The following MGAT4C variants were observed in gnomAD, a reference collection of about 807,000 sequenced individuals.
The protein encoded by MGAT4C is MGAT4 family member C.
A neutral mutation model predicts 40.1 loss-of-function variants in MGAT4C; 19 were observed. The observed-to-expected ratio is 0.47, with a 90% CI of 0.33 to 0.70. The LOEUF is 0.70. Ranked by LOEUF, MGAT4C falls within the 30% of genes least tolerant of loss-of-function variation. The pLI is 0.02. For missense variants in MGAT4C, 491 were observed against 563.2 expected (o/e 0.87, Z 1.30); for synonymous variants, 181 against 187.1 (o/e 0.97, Z 0.27).
rs192619446 is a variant in MGAT4C at position 86,183,831 on chromosome 12, A to T, written c.-57+72408T>A. 1.2e-3 allele frequency among the ~76,000 whole-genome samples: 188 copies of T among 152,296 alleles called. 1 individual carries two copies. The highest frequency in any genetic ancestry group is 4.3e-3 in the African/African-American group (178 of 41,578). On this transcript the variant is annotated intron_variant, in intron 1 of 4. Transcript: ENST00000611864. ...ATTCTATCAACTTAAGATCCCCTCT[A>T]TGACCTCATTCAAACCTAATTATCT...
intron 2 of MGAT4C, among the ~76,000 whole-genome samples, chr12:86,542,808 G>A (rs1959175041): frequency 6.6e-6 from 1 of 152,176 alleles, no homozygotes; most frequent in African/African-American, 2.4e-5. Flanking sequence ...CACAGGGCAA[G>A]CACATAATAA....
rs1180095853 is a variant in MGAT4C at position 85,965,502 on chromosome 12, C to CA, written c.*13786dup. Reference sequence around the variant, plus strand: ...CTCCCAGCTACTCGGGAGGCTGAGGCAGGAGAATGGCGTGACCCCAGGAGG... The same window carrying CA: ...CTCCCAGCTACTCGGGAGGCTGAGGCAAGGAGAATGGCGTGACCCCAGGAGG... On this transcript the variant is annotated 3_prime_UTR_variant, in exon 5 of 5. Coordinates refer to ENST00000611864, the MANE Select transcript of MGAT4C (RefSeq NM_001351288.2). The CA allele has an allele frequency of 6.8e-6, 1 of 146,432 alleles. No homozygotes were observed. Among genetic ancestry groups the CA allele is most frequent in the Non-Finnish European group, 1.5e-5 (1 of 67,478 alleles). 9.1% of individuals were successfully genotyped at this position (146,432 alleles called of 1,614,324 possible).
chr12:86,477,831 T>C (rs1438040351), intron 2 of MGAT4C, among the ~76,000 whole-genome samples: 1 of 152,092 alleles, frequency 6.6e-6, no homozygotes, highest in African/African-American at 2.4e-5. Flanking sequence ...CACCTATGAG[T>C]CAGAACATGC....
chr12:86,806,719 A>G (rs1358367446), intron 1 of MGAT4C, among the ~76,000 whole-genome samples: 1 of 151,980 alleles, frequency 6.6e-6, no homozygotes, highest in Non-Finnish European at 1.5e-5. Flanking sequence ...TCCTTTCTGG[A>G]GCTGGAAACC....
At chr12:85,983,430 C>T (rs957456282) in intron 4 of MGAT4C, 93 bp downstream of exon 4, 1 of 1,145,824 alleles carries the variant, frequency 8.7e-7, no homozygotes, top group African/African-American at 1.6e-5. Flanking sequence ...ATTAGTAAAG[C>T]CCTTAAGCCT....
chr12:86,273,510 G>T (rs1428537679), intron 4 of MGAT4C, among the ~76,000 whole-genome samples: 1 of 152,066 alleles, frequency 6.6e-6, no homozygotes, highest in Non-Finnish European at 1.5e-5. Flanking sequence ...TATACAGGAA[G>T]CATGTTTAAT....
At chr12:86,308,655 A>T (rs1425946745) in intron 4 of MGAT4C, among the ~76,000 whole-genome samples, 1 of 150,708 alleles carries the variant, frequency 6.6e-6, no homozygotes, top group African/African-American at 2.5e-5. Context: ...AAATACACAA[A>T]AACTGAGAAG....
At chr12:86,587,220 C>T (rs1961088334) in intron 2 of MGAT4C, among the ~76,000 whole-genome samples, 1 of 151,868 alleles carries the variant, frequency 6.6e-6, no homozygotes. Flanking sequence ...ATCCTTTCCC[C>T]ATTGCTTGTT....
At chr12:86,432,891 CT>C (rs543958767) in intron 3 of MGAT4C, among the ~76,000 whole-genome samples, 3 of 151,306 alleles carry the variant, frequency 2.0e-5, no homozygotes, top group African/African-American at 2.4e-5. Flanking sequence ...TCCTGTTCAA[CT>C]TTTTTTTTCA....
At chr12:86,656,392 T>C (rs543065913) in intron 2 of MGAT4C, among the ~76,000 whole-genome samples, 1 of 152,076 alleles carries the variant, frequency 6.6e-6, no homozygotes, top group East Asian at 1.9e-4. Flanking sequence ...TATCAAAAAA[T>C]GGTAAATCAG....
intron 1 of MGAT4C, among the ~76,000 whole-genome samples, chr12:86,790,242 C>A (rs1199687982): frequency 3.9e-5 from 6 of 152,036 alleles, no homozygotes; most frequent in Non-Finnish European, 7.4e-5. Flanking sequence ...CATAAAATGA[C>A]TGTTATTGGA....
intron 1 of MGAT4C, among the ~76,000 whole-genome samples, chr12:86,146,714 G>T (rs1410953181): frequency 6.6e-6 from 1 of 151,748 alleles, no homozygotes; most frequent in Admixed American, 6.6e-5. Flanking sequence ...TAAAAATTTA[G>T]TGTCTTCTCA....
At chr12:86,190,609 C>T (rs929452321) in intron 1 of MGAT4C, among the ~76,000 whole-genome samples, 7 of 151,984 alleles carry the variant, frequency 4.6e-5, no homozygotes, top group Non-Finnish European at 1.0e-4. Context: ...TGCAATAGCA[C>T]ATGTGACACC....
At chr12:86,702,683 T>C (rs191701312) in intron 2 of MGAT4C, among the ~76,000 whole-genome samples, 32 of 152,270 alleles carry the variant, frequency 2.1e-4, no homozygotes, top group Admixed American at 2.1e-3. Flanking sequence ...GAAAAAGAGA[T>C]TCCTTTCAAA....
chr12:86,378,222 G>A (rs1955866181), intron 3 of MGAT4C, among the ~76,000 whole-genome samples: 2 of 152,094 alleles, frequency 1.3e-5, no homozygotes, highest in Admixed American at 6.6e-5. Flanking sequence ...TATATACCCA[G>A]AGTGAAATTG....
intron 1 of MGAT4C, among the ~76,000 whole-genome samples, chr12:86,052,250 G>A (rs1892966701): frequency 6.6e-6 from 1 of 150,808 alleles, no homozygotes; most frequent in African/African-American, 2.4e-5. Context: ...CAAAAAGAGG[G>A]CCCCAAATTT....
intron 1 of MGAT4C, among the ~76,000 whole-genome samples, chr12:86,779,493 TGGG>T (rs1203150881): frequency 2.2e-4 from 34 of 151,794 alleles, no homozygotes; most frequent in African/African-American, 8.0e-4. Flanking sequence ...TCCCAGATAC[TGGG>T]GAAGTGGAGG....
intron 1 of MGAT4C, among the ~76,000 whole-genome samples, chr12:86,182,015 T>C (rs1012277389): frequency 6.6e-6 from 1 of 151,414 alleles, no homozygotes; most frequent in African/African-American, 2.5e-5. Context: ...ATCTACTGCA[T>C]TGTACTACAT....
At chr12:86,497,547 T>A (rs1049292516) in intron 2 of MGAT4C, among the ~76,000 whole-genome samples, 1 of 151,866 alleles carries the variant, frequency 6.6e-6, no homozygotes, top group South Asian at 2.1e-4. Flanking sequence ...CCATATTGAA[T>A]GCCTTCATTT....
Sources: allele counts gnomAD v4.1 joint callset (sites outside exome capture counted in the v4.1 genomes callset), GRCh38; gene constraint gnomAD v4.1.1; transcripts MANE v1.5; gene names NCBI Gene and HGNC (gene_info 2026-07-23, HGNC 2026-07-21).